The following MGAT4C variants were observed in gnomAD, a reference collection of about 807,000 sequenced individuals.
MGAT4C encodes the protein alpha-1,3-mannosyl-glycoprotein 4-beta-N-acetylglucosaminyltransferase C.
MGAT4C carries 19 observed loss-of-function variants against 40.1 expected under a neutral mutation model. The observed-to-expected ratio is 0.47, with a 90% CI of 0.33 to 0.70. The LOEUF (loss-of-function observed/expected upper bound fraction) is 0.70, where lower values mean the gene tolerates loss of function less well. Among genes scored for constraint, MGAT4C ranks in the 30% least tolerant of loss-of-function variants. The pLI is 0.02. For missense variants in MGAT4C, 491 were observed against 563.2 expected (o/e 0.87, Z 1.30); for synonymous variants, 181 against 187.1 (o/e 0.97, Z 0.27).
chr12:86,787,936 A>G (rs954042746), intron 1 of MGAT4C, among the ~76,000 whole-genome samples: 2 of 152,068 alleles, frequency 1.3e-5, no homozygotes, highest in South Asian at 4.1e-4. Context: ...TGCAGTTAGG[A>G]AAGTGTGGAC....
rs572549460 is a variant in MGAT4C at position 86,075,145 on chromosome 12, C to G, written c.-56-25422G>C. Among the ~76,000 whole-genome samples, 7 of 152,160 alleles carry G rather than the reference C, an allele frequency of 4.6e-5. No homozygotes were observed. In the East Asian group the frequency reaches 1.4e-3, roughly 29 times the overall value. On this transcript the variant is annotated intron_variant, in intron 1 of 4. Coordinates refer to ENST00000611864, the MANE Select transcript of MGAT4C (RefSeq NM_001351288.2). ...ACCTATGAGCCTGTAATATCAAAAG[C>G]GAGCTTGTTACCTCCTAGATACAAT...
chr12:86,339,718 A>G (rs918984704), intron 3 of MGAT4C, among the ~76,000 whole-genome samples: 5 of 152,148 alleles, frequency 3.3e-5, no homozygotes, highest in Admixed American at 1.3e-4. Flanking sequence ...CTTATAGTAT[A>G]TACACACACA....
At chr12:86,113,455 T>A (rs1057486313) in intron 1 of MGAT4C, among the ~76,000 whole-genome samples, 1 of 151,700 alleles carries the variant, frequency 6.6e-6, no homozygotes, top group Non-Finnish European at 1.5e-5. Flanking sequence ...GCTAAAAAAA[T>A]TATATTCAAG....
At chr12:86,589,329 T>C (rs1961217852) in intron 2 of MGAT4C, among the ~76,000 whole-genome samples, 1 of 151,940 alleles carries the variant, frequency 6.6e-6, no homozygotes, top group Admixed American at 6.6e-5. Flanking sequence ...CCTTGACACA[T>C]ACACTCTCCC....
At position 85,973,627 on chromosome 12, in the gene MGAT4C, T is replaced by C. The variant is rs1361849407; in HGVS notation, c.*5662A>G. On this transcript the variant is annotated 3_prime_UTR_variant, in exon 5 of 5. Transcript: ENST00000611864. ...AAGGAGATGGCTACTTAGGGTACTT[T>C]TTAATCCAATATAATGTGAAAATTT... 1 of 150,916 alleles carries C rather than the reference T, an allele frequency of 6.6e-6. No homozygotes were observed. Among genetic ancestry groups the C allele is most frequent in the African/African-American group, 2.4e-5 (1 of 41,346 alleles). 9.3% of individuals were successfully genotyped at this position (150,916 alleles called of 1,614,324 possible). A position where few individuals can be genotyped will look rare whatever the true frequency, so the allele number is the denominator to read the frequency against.
chr12:86,812,560 T>TA (rs2136217349), intron 1 of MGAT4C, among the ~76,000 whole-genome samples: 1 of 152,248 alleles, frequency 6.6e-6, no homozygotes, highest in South Asian at 2.1e-4. Context: ...TTTCTGTCTC[T>TA]AATAGTTTTC....
intron 2 of MGAT4C, among the ~76,000 whole-genome samples, chr12:86,042,867 CAAAA>C (rs140809256): frequency 0.078 from 8,379 of 107,934 alleles, 287 homozygotes; most frequent in Non-Finnish European, 0.093. Flanking sequence ...GACTCTGTCT[CAAAA>C]AAAAAAAAAA....
intron 1 of MGAT4C, among the ~76,000 whole-genome samples, chr12:86,777,510 G>C (rs1313538435): frequency 1.3e-5 from 2 of 152,102 alleles, no homozygotes; most frequent in African/African-American, 2.4e-5. Context: ...TTGAGTCACC[G>C]ATGGGTATGT....
At chr12:86,114,084 A>C (rs1363701571) in intron 1 of MGAT4C, among the ~76,000 whole-genome samples, 1 of 151,894 alleles carries the variant, frequency 6.6e-6, no homozygotes, top group Admixed American at 6.6e-5. Context: ...AACTTCTGTA[A>C]GTATTTTTTC....
At chr12:86,049,849 T>C (rs929665016) in intron 1 of MGAT4C, 126 bp from the exon 2 acceptor site, 1 of 189,954 alleles carries the variant, frequency 5.3e-6, no homozygotes, top group Non-Finnish European at 9.7e-6. Flanking sequence ...ATCATATTTA[T>C]AAAATCTTTC....
At chr12:86,564,980 C>T (rs1490203186) in intron 2 of MGAT4C, among the ~76,000 whole-genome samples, 1 of 152,120 alleles carries the variant, frequency 6.6e-6, no homozygotes, top group Non-Finnish European at 1.5e-5. Flanking sequence ...AGGTGAATTA[C>T]AGCAGAGGCC....
At chr12:86,071,026 T>C (rs138291186) in intron 1 of MGAT4C, among the ~76,000 whole-genome samples, 28 of 152,138 alleles carry the variant, frequency 1.8e-4, no homozygotes, top group African/African-American at 6.5e-4. Flanking sequence ...ATAAGACAGA[T>C]AGTCTCAAGT....
At chr12:86,795,586 T>C (rs978209505) in intron 1 of MGAT4C, among the ~76,000 whole-genome samples, 1 of 150,674 alleles carries the variant, frequency 6.6e-6, no homozygotes, top group Non-Finnish European at 1.5e-5. Context: ...ATATAGGACA[T>C]GAGAGACAGA....
chr12:86,598,120 T>C (rs759252985), intron 2 of MGAT4C, among the ~76,000 whole-genome samples: 51 of 152,200 alleles, frequency 3.4e-4, no homozygotes, highest in Non-Finnish European at 6.6e-4. Context: ...TGTTTATATA[T>C]GTTTAGATAC....
At chr12:86,005,014 G>A (rs569465016) in intron 2 of MGAT4C, among the ~76,000 whole-genome samples, 10 of 152,182 alleles carry the variant, frequency 6.6e-5, no homozygotes, top group Non-Finnish European at 1.2e-4. Context: ...CAATCCAGTC[G>A]GATCATGCCT....
intron 2 of MGAT4C, among the ~76,000 whole-genome samples, chr12:86,640,149 T>A (rs967580724): frequency 1.3e-5 from 2 of 151,650 alleles, no homozygotes; most frequent in Non-Finnish European, 3.0e-5. Flanking sequence ...TAAGAAGAAA[T>A]ATTTTAGAAT....
At chr12:86,323,674 GA>G (rs1230462073) in intron 4 of MGAT4C, among the ~76,000 whole-genome samples, 2 of 151,430 alleles carry the variant, frequency 1.3e-5, no homozygotes, top group African/African-American at 4.8e-5. Flanking sequence ...ATAAATAGAC[GA>G]AATACACAAT....
intron 2 of MGAT4C, among the ~76,000 whole-genome samples, chr12:86,449,588 C>T (rs532198791): frequency 6.6e-5 from 10 of 152,206 alleles, no homozygotes; most frequent in African/African-American, 2.2e-4. Context: ...CTGTACCCAA[C>T]GACTCGGTGG....
Position 85,960,494 on chromosome 12 carries a change from A to G in MGAT4C, c.*18795T>C, listed in dbSNP as rs892166123. The G allele has an allele frequency of 2.0e-5, 3 of 152,048 alleles. No individual in the cohort carries two copies. The highest frequency in any genetic ancestry group is 6.6e-5 in the Admixed American group (1 of 15,256). 9.4% of individuals were successfully genotyped at this position (152,048 alleles called of 1,614,324 possible). ...TGAAAAATGTAAAACAACAATTAGC[A>G]TGTGACATGCTCTCAGCAAATCAAT... On this transcript the variant is annotated 3_prime_UTR_variant, in exon 5 of 5. Transcript: ENST00000611864.
Sources: gnomAD v4.1 joint callset for allele counts (sites outside exome capture counted in the v4.1 genomes callset) on GRCh38, gnomAD v4.1.1 for gene constraint, MANE v1.5 for transcripts, NCBI Gene and HGNC (gene_info 2026-07-23, HGNC 2026-07-21) for gene names.